AGAP1: variants seen among roughly 807,000 people sequenced by gnomAD.
The protein encoded by AGAP1 is arf-GAP with GTPase, ANK repeat and PH domain-containing protein 1.
AGAP1 carries 29 observed loss-of-function variants against 105.3 expected under a neutral mutation model. The observed-to-expected ratio is 0.28, with a 90% CI of 0.21 to 0.38. AGAP1 has a LOEUF of 0.38. Among genes scored for constraint, AGAP1 ranks in the 10% least tolerant of loss-of-function variants. The pLI is 1.00. For synonymous variants in AGAP1, 509 were observed against 485.9 expected (o/e 1.05, Z -0.63); for missense variants, 998 against 1,165.1 (o/e 0.86, Z 2.09).
chr2:236,093,504 T>A (rs557684098), intron 16 of AGAP1, among the ~76,000 whole-genome samples: 3 of 152,096 alleles, frequency 2.0e-5, no homozygotes, highest in Non-Finnish European at 4.4e-5. Flanking sequence ...ATTGGGGGCA[T>A]TTTCCAATAG....
intron 1 of AGAP1, among the ~76,000 whole-genome samples, chr2:235,510,273 C>G (rs940977926): frequency 6.6e-6 from 1 of 152,222 alleles, no homozygotes; most frequent in African/African-American, 2.4e-5. Context: ...GTCCCTGATG[C>G]CAAGAAGGTT....
rs373652440 is a variant in AGAP1, at chr2:236,083,153, CAAAAAA to C, written c.2114+33876_2114+33881del. Among the ~76,000 whole-genome samples the C allele has an allele frequency of 9.1e-5, 13 of 142,704 alleles. No individual in the cohort carries two copies. The highest frequency in any genetic ancestry group is 1.8e-4 in the Non-Finnish European group (12 of 65,066). 93.6% of individuals were successfully genotyped at this position (142,704 alleles called of 152,430 possible). A position where few individuals can be genotyped will look rare whatever the true frequency, so the allele number is the denominator to read the frequency against. On this transcript the variant is annotated intron_variant, in intron 16 of 17. Coordinates refer to ENST00000304032, the MANE Select transcript of AGAP1 (RefSeq NM_001037131.3). The surrounding 1 kb of genome is among the most constrained non-coding windows in gnomAD (Gnocchi z 5.3). Reference sequence around the variant, plus strand: ...CTAGGCAACGAGCGAAATTCCATCTCAAAAAAAAAGAAAAAGAAAAGAGGCCTCGCC... The same window carrying C: ...CTAGGCAACGAGCGAAATTCCATCTCAAAGAAAAAGAAAAGAGGCCTCGCC...
At chr2:235,810,913 C>T (rs143513565) in intron 9 of AGAP1, among the ~76,000 whole-genome samples, 6 of 151,196 alleles carry the variant, frequency 4.0e-5, no homozygotes, top group African/African-American at 7.3e-5. Flanking sequence ...GCCAGAGGCC[C>T]GGCTCAGCGG....
chr2:235,683,279 C>T (rs1469949095), intron 1 of AGAP1, among the ~76,000 whole-genome samples: 1 of 152,104 alleles, frequency 6.6e-6, no homozygotes, highest in East Asian at 1.9e-4. Context: ...GCACTCCAGC[C>T]TGGGCAACAG....
chr2:235,783,475 G>A (rs928933103), intron 6 of AGAP1: 7 of 446,216 alleles, frequency 1.6e-5, no homozygotes, highest in African/African-American at 1.0e-4. Flanking sequence ...AGCAGAGGAC[G>A]GACTGCTGTG....
At chr2:235,512,312 A>C (rs1045050393) in intron 1 of AGAP1, among the ~76,000 whole-genome samples, 3 of 152,212 alleles carry the variant, frequency 2.0e-5, no homozygotes, top group Non-Finnish European at 4.4e-5. Context: ...GAATAAGAAA[A>C]TTGGCCAGGT....
intron 6 of AGAP1, among the ~76,000 whole-genome samples, chr2:235,764,234 G>A (rs1051004190): frequency 6.6e-6 from 1 of 152,210 alleles, no homozygotes; most frequent in Non-Finnish European, 1.5e-5. Context: ...AAAACTGCCA[G>A]TTCCTTGAGC....
At chr2:235,678,593 A>G (rs1269757557) in intron 1 of AGAP1, among the ~76,000 whole-genome samples, 2 of 152,038 alleles carry the variant, frequency 1.3e-5, no homozygotes, top group South Asian at 2.1e-4. Flanking sequence ...GTCCCATCCT[A>G]GTTTTCAAGG....
chr2:235,818,599 T>A lies in AGAP1; in HGVS notation c.1050+11268T>A, dbSNP rs181988975. Among the ~76,000 whole-genome samples, 38 of 152,292 alleles carry A rather than the reference T, an allele frequency of 2.5e-4. 1 individual carries two copies. The East Asian group carries it at 6.8e-3, about 27-fold the overall frequency. On this transcript the variant is annotated intron_variant, in intron 9 of 17. Transcript: ENST00000304032. ...CTGGGATTACAGGCATGGGCCACCATGCCCAGCTACGTTTTGTATTTTTAG... is the reference window on the plus strand; with the variant it reads ...CTGGGATTACAGGCATGGGCCACCAAGCCCAGCTACGTTTTGTATTTTTAG...
chr2:236,131,160 A>C lies in AGAP1; in HGVS notation c.*7038A>C, dbSNP rs953950333. The C allele has an allele frequency of 6.6e-6, 1 of 152,226 alleles. No individual in the cohort carries two copies. Among genetic ancestry groups the C allele is most frequent in the Non-Finnish European group, 1.5e-5 (1 of 68,080 alleles). 9.4% of individuals were successfully genotyped at this position (152,226 alleles called of 1,614,324 possible). On this transcript the variant is annotated 3_prime_UTR_variant, in exon 18 of 18. Transcript: ENST00000304032. The surrounding 1 kb of genome is among the most constrained non-coding windows in gnomAD (Gnocchi z 5.9). ...GTGTCTGAAATACATCTAATTCTCC[A>C]GACTGCAGCCCCTCTCAGCCCCGAG...
rs2054303054 is a variant in AGAP1, at chr2:235,964,304, C to A, written c.1484-4158C>A. 2.6e-5 allele frequency among the ~76,000 whole-genome samples: 4 copies of A among 152,114 alleles called. 1 individual carries two copies. The South Asian group carries it at 8.3e-4, about 32-fold the overall frequency. ...ATAATAATATTACTTAATAGCGGCC[C>A]CTGGCAGCCGAGGAGAGTTGCGTTT... is the stretch of plus-strand genomic sequence containing the variant. On this transcript the variant is annotated intron_variant, in intron 12 of 17. Coordinates refer to ENST00000304032, the MANE Select transcript of AGAP1 (RefSeq NM_001037131.3). The surrounding 1 kb of genome is among the most constrained non-coding windows in gnomAD (Gnocchi z 4.6).
At chr2:235,519,294 T>A (rs1574747860) in intron 1 of AGAP1, among the ~76,000 whole-genome samples, 1 of 152,092 alleles carries the variant, frequency 6.6e-6, no homozygotes, top group African/African-American at 2.4e-5. Flanking sequence ...CCCAGGCTGG[T>A]CTTGAATGCC....
chr2:235,873,861 G>A (rs2049568692), intron 9 of AGAP1, among the ~76,000 whole-genome samples: 1 of 151,958 alleles, frequency 6.6e-6, no homozygotes, highest in East Asian at 1.9e-4. Flanking sequence ...CCGGGTAGCT[G>A]GGACTACAGG....
In AGAP1 at chr2:236,021,398, G is replaced by A. The variant is rs560280361; in HGVS notation, c.1646-15163G>A. On this transcript the variant is annotated intron_variant, in intron 13 of 17. Coordinates refer to ENST00000304032, the MANE Select transcript of AGAP1 (RefSeq NM_001037131.3). ...GCCGCTGAAGATTCCTGGTAAGCCC[G>A]GGTCTCCTGATGGCCATGCTGGACT... Among the ~76,000 whole-genome samples the A allele has an allele frequency of 5.9e-5, 9 of 152,176 alleles. No homozygotes were observed. In the South Asian group the frequency reaches 1.7e-3, roughly 28 times the overall value.
At chr2:235,738,265 G>A (rs1952367756) in intron 3 of AGAP1, among the ~76,000 whole-genome samples, 1 of 152,146 alleles carries the variant, frequency 6.6e-6, no homozygotes, top group Non-Finnish European at 1.5e-5. Flanking sequence ...CAGGGATGGT[G>A]AGGATCCCTG....
intron 1 of AGAP1, among the ~76,000 whole-genome samples, chr2:235,542,350 A>G (rs191172873): frequency 9.2e-5 from 14 of 152,306 alleles, no homozygotes; most frequent in Non-Finnish European, 1.5e-4. Context: ...TGTGTGGATA[A>G]GCGGGATTGA....
chr2:235,671,044 C>T (rs1174470566), intron 1 of AGAP1: 4 of 1,286,430 alleles, frequency 3.1e-6, no homozygotes, highest in Non-Finnish European at 3.9e-6. Context: ...GCATCGACGG[C>T]TCCCCGCGCA....
At chr2:235,514,065 G>GT (rs1942267965) in intron 1 of AGAP1, among the ~76,000 whole-genome samples, 1 of 152,224 alleles carries the variant, frequency 6.6e-6, no homozygotes, top group Admixed American at 6.5e-5. Flanking sequence ...GGGTGTTTAT[G>GT]TGTACAGAAC....
chr2:235,536,192 G>T (rs1943215187), intron 1 of AGAP1, among the ~76,000 whole-genome samples: 1 of 47,686 alleles, frequency 2.1e-5, no homozygotes, highest in Non-Finnish European at 3.5e-5. Context: ...AGGACCCCGG[G>T]GTTTGTGTGT....
Sources: allele counts gnomAD v4.1 joint callset (sites outside exome capture counted in the v4.1 genomes callset), GRCh38; gene constraint gnomAD v4.1.1; non-coding constraint Gnocchi (gnomAD v3.1); transcripts MANE v1.5; gene names NCBI Gene and HGNC (gene_info 2026-07-23, HGNC 2026-07-21).